MORN5: variants seen among roughly 807,000 people sequenced by gnomAD.
MORN5 encodes MORN repeat containing 5, also known as MORN repeat-containing protein 5.
Under a neutral mutation model 22.1 loss-of-function variants are expected in MORN5, and 21 were observed. The observed-to-expected ratio is 0.95, with a 90% CI of 0.67 to 1.37. The LOEUF is 1.37. Ranked by LOEUF, MORN5 falls within the 40% of genes most tolerant of loss-of-function variation. The pLI is 0.00. For synonymous variants in MORN5, 73 were observed against 74.0 expected (o/e 0.99, Z 0.07); for missense variants, 211 against 215.1 (o/e 0.98, Z 0.12).
intron 1 of MORN5, chr9:122,164,561 T>C: frequency 1.0e-6 from 1 of 985,098 alleles, no homozygotes; most frequent in Non-Finnish European, 1.2e-6. Flanking sequence ...TCTAAGGAGG[T>C]GCTGCTTAGG....
chr9:122,164,930 T>C (rs1829253376), intron 1 of MORN5, among the ~76,000 whole-genome samples: 1 of 152,260 alleles, frequency 6.6e-6, no homozygotes, highest in South Asian at 2.1e-4. Context: ...TTCTGTTTCC[T>C]TCATTCTTTA....
intron 3 of MORN5, among the ~76,000 whole-genome samples, chr9:122,173,320 C>T (rs1463493838): frequency 2.0e-5 from 3 of 152,168 alleles, no homozygotes; most frequent in Non-Finnish European, 2.9e-5. Flanking sequence ...AAGTGCCCCG[C>T]GACCTCTTCG....
At chr9:122,184,255 C>G (rs891059180) in intron 4 of MORN5, among the ~76,000 whole-genome samples, 2 of 152,202 alleles carry the variant, frequency 1.3e-5, no homozygotes, top group Non-Finnish European at 2.9e-5. Flanking sequence ...CCAGGTTTCC[C>G]GCTTTCCATT....
intron 4 of MORN5, among the ~76,000 whole-genome samples, chr9:122,196,942 T>C (rs1244035777): frequency 6.6e-6 from 1 of 152,214 alleles, no homozygotes; most frequent in African/African-American, 2.4e-5. Flanking sequence ...TCAAGTGTCT[T>C]ATAGTATCCA....
At chr9:122,183,411 C>T (rs1829565505) in intron 4 of MORN5, among the ~76,000 whole-genome samples, 1 of 152,036 alleles carries the variant, frequency 6.6e-6, no homozygotes. Flanking sequence ...AATCTTTACT[C>T]CCTCCTCCCA....
chr9:122,159,980 A>T lies in MORN5; in HGVS notation c.8A>T (p.Tyr3Phe), dbSNP rs775576633. 6.2e-7 allele frequency: 1 copy of T among 1,614,110 alleles called. No homozygotes were observed. Among genetic ancestry groups the T allele is most frequent in the Non-Finnish European group, 8.5e-7 (1 of 1,179,990 alleles). ME[Y>F]TGSKYIGEYV... Reference sequence around the variant, plus strand: ...AAGCTAAAAACAGGCGCCATGGAGTACACAGGGAGCAAATATATCGGGGAA... The same window carrying T: ...AAGCTAAAAACAGGCGCCATGGAGTTCACAGGGAGCAAATATATCGGGGAA... Residue 3 changes from tyrosine (Y) to phenylalanine (F), a missense_variant, in exon 1 of 5, where the codon TAC becomes TTC. Coordinates refer to ENST00000373764, the MANE Select transcript of MORN5 (RefSeq NM_198469.4).
intron 4 of MORN5, among the ~76,000 whole-genome samples, chr9:122,176,310 C>T (rs114191225): frequency 0.014 from 2,066 of 152,114 alleles, 48 homozygotes; most frequent in African/African-American, 0.047. Flanking sequence ...CTATGTAGCA[C>T]GCTAACTCTG....
intron 4 of MORN5, among the ~76,000 whole-genome samples, chr9:122,199,000 C>T (rs552143673): frequency 6.6e-6 from 1 of 152,046 alleles, no homozygotes; most frequent in Admixed American, 6.5e-5. Context: ...TGGTGTAGGT[C>T]CCTGCAGTGG....
intron 4 of MORN5, among the ~76,000 whole-genome samples, chr9:122,194,746 A>G (rs2416857): frequency 0.5 from 76,750 of 151,992 alleles, 22,573 homozygotes; most frequent in African/African-American, 0.8. Flanking sequence ...CAAGCCGGGC[A>G]CGGTGGACCA....
At chr9:122,192,064 G>A (rs1215835590) in intron 4 of MORN5, among the ~76,000 whole-genome samples, 1 of 152,226 alleles carries the variant, frequency 6.6e-6, no homozygotes, top group Non-Finnish European at 1.5e-5. Context: ...AGAAAGTCTG[G>A]TGAAACCTGC....
Position 122,166,753 on chromosome 9 carries a change from C to G in MORN5, c.48-15C>G. ...CTGTCACACAGGGCTCAGTGATTTC[C>G]CTGTGTCTTTACAGGATGGAGGGCA... On this transcript the variant is annotated splice_polypyrimidine_tract_variant and intron_variant, in intron 1 of 4. Transcript: ENST00000373764. 6.2e-7 allele frequency: 1 copy of G among 1,610,020 alleles called. No homozygotes were observed. Among genetic ancestry groups the G allele is most frequent in the South Asian group, 1.1e-5 (1 of 90,172 alleles).
rs559338306 is a variant in MORN5 at position 122,179,521 on chromosome 9, G to T, written c.439+4894G>T. ...CCTGGCCCCAGCTCTCAGGCTGCCT[G>T]CTGGATGACCCTGGGCCAATGCCTT... is the stretch of plus-strand genomic sequence containing the variant. On this transcript the variant is annotated intron_variant, in intron 4 of 4. Coordinates refer to ENST00000373764, the MANE Select transcript of MORN5 (RefSeq NM_198469.4). 2.6e-5 allele frequency among the ~76,000 whole-genome samples: 4 copies of T among 152,128 alleles called. No homozygotes were observed. In the East Asian group the frequency reaches 7.7e-4, roughly 29 times the overall value.
At chr9:122,167,003 G>A in intron 2 of MORN5, 88 bp downstream of exon 2, 1 of 1,318,982 alleles carries the variant, frequency 7.6e-7, no homozygotes, top group Non-Finnish European at 1.0e-6. Flanking sequence ...TCCCTGTCTG[G>A]TGCCCACCTT....
At chr9:122,192,758 C>T (rs1829799126) in intron 4 of MORN5, among the ~76,000 whole-genome samples, 1 of 152,224 alleles carries the variant, frequency 6.6e-6, no homozygotes, top group Non-Finnish European at 1.5e-5. Flanking sequence ...AATCTATTGC[C>T]CCAAATCACA....
In MORN5 at chr9:122,172,111, G is replaced by A. The variant is rs970733560; in HGVS notation, c.307+2355G>A. Among the ~76,000 whole-genome samples, 6 of 150,914 alleles carry A rather than the reference G, an allele frequency of 4.0e-5. 1 individual carries two copies. In the South Asian group the frequency reaches 8.4e-4, roughly 21 times the overall value. On this transcript the variant is annotated intron_variant, in intron 3 of 4. Coordinates refer to ENST00000373764, the MANE Select transcript of MORN5 (RefSeq NM_198469.4). ...TAAGTAGCTGGAACTACAGGAATGCGCCACCACTCCTGGTTAATTTTTTTT... is the reference window on the plus strand; with the variant it reads ...TAAGTAGCTGGAACTACAGGAATGCACCACCACTCCTGGTTAATTTTTTTT...
At chr9:122,172,128 A>T (rs1469611731) in intron 3 of MORN5, among the ~76,000 whole-genome samples, 9 of 136,842 alleles carry the variant, frequency 6.6e-5, no homozygotes, top group Non-Finnish European at 1.4e-4. Context: ...CTCCTGGTTA[A>T]TTTTTTTTTT....
Position 122,174,564 on chromosome 9 carries a change from G to C in MORN5, c.376G>C (p.Gly126Arg), listed in dbSNP as rs201455043. Residue 126 changes from glycine to arginine, a missense_variant, in exon 4 of 5, where the codon GGC becomes CGC. Gly to Arg is a moderately radical substitution (Grantham distance 125). Transcript: ENST00000373764. The part of the protein sequence containing the change: ...IPKGYYDCGD[G>R]FYNPVTRVVK... ...CAAGGGCTATTACGATTGTGGAGAC[G>C]GCTTCTATAACCCAGTCACGAGGGT... 6.2e-7 allele frequency: 1 copy of C among 1,613,980 alleles called. No individual in the cohort carries two copies. Among genetic ancestry groups the C allele is most frequent in the Admixed American group, 1.7e-5 (1 of 60,018 alleles).
At chr9:122,193,288 A>T (rs893740467) in intron 4 of MORN5, among the ~76,000 whole-genome samples, 1 of 152,238 alleles carries the variant, frequency 6.6e-6, no homozygotes, top group African/African-American at 2.4e-5. Flanking sequence ...TGTTTGTGTT[A>T]AAAGCAGCAA....
intron 1 of MORN5, among the ~76,000 whole-genome samples, chr9:122,164,107 C>T (rs1409764626): frequency 6.6e-6 from 1 of 152,156 alleles, no homozygotes; most frequent in Non-Finnish European, 1.5e-5. Context: ...GAAGCCTTCA[C>T]TATAAAGTGG....
Sources: gnomAD v4.1 joint callset for allele counts (sites outside exome capture counted in the v4.1 genomes callset) on GRCh38, gnomAD v4.1.1 for gene constraint, MANE v1.5 for transcripts, NCBI Gene and HGNC (gene_info 2026-07-23, HGNC 2026-07-21) for gene names.